The following ARID5B variants were observed in gnomAD, a reference collection of about 807,000 sequenced individuals.
The protein encoded by ARID5B is AT-rich interaction domain 5B, also known as AT-rich interactive domain-containing protein 5B.
In ARID5B, 13 loss-of-function variants were observed where a neutral mutation model predicts 97.2. That is an observed-to-expected ratio of 0.13 (90% confidence interval 0.09 to 0.21). ARID5B has a LOEUF of 0.21. ARID5B is among the 10% of genes least tolerant of loss of function. The probability of loss-of-function intolerance (pLI) is 1.00; values close to 1 mark genes in which losing one functional copy is unlikely to be tolerated. For missense variants in ARID5B, 1,210 were observed against 1,465.3 expected (o/e 0.83, Z 2.84); for synonymous variants, 556 against 570.3 (o/e 0.97, Z 0.36).
In ARID5B at chr10:62,093,037, C is replaced by A; in HGVS notation, c.*7C>A. ...CCCCAGTACAAAACTGTAGGCTCAGCTCTGCCCAGCAGTCCAAAGCGGCAT... is the reference window on the plus strand; with the variant it reads ...CCCCAGTACAAAACTGTAGGCTCAGATCTGCCCAGCAGTCCAAAGCGGCAT... On this transcript the variant is annotated 3_prime_UTR_variant, in exon 10 of 10. Transcript: ENST00000279873. 6.3e-7 allele frequency: 1 copy of A among 1,597,340 alleles called. No individual in the cohort carries two copies. Among genetic ancestry groups the A allele is most frequent in the South Asian group, 1.1e-5 (1 of 89,046 alleles).
In ARID5B at chr10:62,093,046, G is replaced by C; in HGVS notation, c.*16G>C. 6.3e-7 allele frequency: 1 copy of C among 1,584,530 alleles called. No individual in the cohort carries two copies. The highest frequency in any genetic ancestry group is 2.2e-5 in the East Asian group (1 of 44,770). On this transcript the variant is annotated 3_prime_UTR_variant, in exon 10 of 10. Transcript: ENST00000279873. The stretch of plus-strand genomic sequence containing the variant: ...AAAACTGTAGGCTCAGCTCTGCCCA[G>C]CAGTCCAAAGCGGCATGGCCAACAG...
At chr10:61,932,176 C>A (rs551888629) in intron 2 of ARID5B, among the ~76,000 whole-genome samples, 8 of 152,150 alleles carry the variant, frequency 5.3e-5, no homozygotes, top group Non-Finnish European at 1.2e-4. Context: ...TTACACCATA[C>A]TGTAGTCTGC....
chr10:61,951,101 T>C (rs1403036032), intron 3 of ARID5B, among the ~76,000 whole-genome samples: 2 of 152,258 alleles, frequency 1.3e-5, no homozygotes, highest in Non-Finnish European at 2.9e-5. Flanking sequence ...ACTCCTCTCC[T>C]GTAACATTAT....
chr10:62,092,695 T>G lies in ARID5B; in HGVS notation c.3232T>G (p.Phe1078Val), dbSNP rs1215947530. Residue 1078 changes from phenylalanine to valine, a missense_variant, in exon 10 of 10, where the codon TTC (phenylalanine) becomes GTC (valine). Physicochemically the swap from Phe to Val is conservative, Grantham distance 50. Coordinates refer to ENST00000279873, the MANE Select transcript of ARID5B (RefSeq NM_032199.3). The part of the protein sequence containing the change: ...GHKLPLSSPI[F>V]PGLYSGSLCN... ...CAAGCTTCCCCTCTCCTCCCCTATC[T>G]TCCCAGGTCTGTATTCCGGGAGCCT... The G allele has an allele frequency of 2.5e-6, 4 of 1,613,912 alleles. No individual in the cohort carries two copies. In the African/African-American group the frequency reaches 5.3e-5, roughly 22 times the overall value.
chr10:61,908,195 G>C (rs1843736616), intron 2 of ARID5B, among the ~76,000 whole-genome samples: 1 of 152,096 alleles, frequency 6.6e-6, no homozygotes, highest in Non-Finnish European at 1.5e-5. Context: ...TGTCTATTTT[G>C]AGTTAATAAA....
intron 2 of ARID5B, among the ~76,000 whole-genome samples, chr10:61,937,546 C>G (rs1318743751): frequency 6.6e-6 from 1 of 152,138 alleles, no homozygotes; most frequent in Admixed American, 6.5e-5. Context: ...TGATTAAGAG[C>G]TGGGTTAATT....
rs1564595459 is a variant in ARID5B, at chr10:61,901,703, C to G, written c.-7C>G. ...AATGTTGAGTTCAATCAATTCAGAA[C>G]GTCGAGATGGAGCCCAACTCACTCC... On this transcript the variant is annotated 5_prime_UTR_variant, in exon 1 of 10. Coordinates refer to ENST00000279873, the MANE Select transcript of ARID5B (RefSeq NM_032199.3). The G allele has an allele frequency of 1.2e-6, 2 of 1,613,868 alleles. No homozygotes were observed. Among genetic ancestry groups the G allele is most frequent in the Admixed American group, 1.7e-5 (1 of 59,990 alleles).
intron 7 of ARID5B, among the ~76,000 whole-genome samples, chr10:62,068,975 T>G (rs1840028134): frequency 6.6e-6 from 1 of 152,248 alleles, no homozygotes; most frequent in African/African-American, 2.4e-5. Context: ...GCATTTTAAC[T>G]GTGGAATATG....
chr10:62,072,709 G>T (rs374496186), intron 8 of ARID5B, among the ~76,000 whole-genome samples: 2 of 152,160 alleles, frequency 1.3e-5, no homozygotes, highest in African/African-American at 4.8e-5. Flanking sequence ...AGATGCAACC[G>T]CTAACTACCA....
intron 3 of ARID5B, among the ~76,000 whole-genome samples, chr10:61,950,614 G>A (rs1838310432): frequency 6.6e-6 from 1 of 152,144 alleles, no homozygotes; most frequent in Admixed American, 6.6e-5. Flanking sequence ...AGGTTGCAGT[G>A]AGCTAAGATG....
intron 2 of ARID5B, among the ~76,000 whole-genome samples, chr10:61,937,785 G>T (rs534921046): frequency 1.3e-5 from 2 of 152,196 alleles, no homozygotes; most frequent in Non-Finnish European, 2.9e-5. Flanking sequence ...TAGTAAATGC[G>T]AACATGTGAT....
intron 4 of ARID5B, among the ~76,000 whole-genome samples, chr10:62,036,181 G>T (rs558670456): frequency 5.5e-4 from 83 of 152,264 alleles, no homozygotes; most frequent in South Asian, 1.5e-3. Flanking sequence ...AAAAAGAAAA[G>T]GTATCGATGT....
chr10:61,901,833 T>C (rs1843620179), intron 1 of ARID5B, 103 bp downstream of exon 1: 1 of 892,306 alleles, frequency 1.1e-6, no homozygotes, highest in Admixed American at 2.0e-5. Flanking sequence ...CCCACAAACT[T>C]TTCACCAAAC....
chr10:61,942,885 G>A (rs1018276163), intron 3 of ARID5B, among the ~76,000 whole-genome samples: 2 of 152,214 alleles, frequency 1.3e-5, no homozygotes, highest in African/African-American at 4.8e-5. Flanking sequence ...ACAGCTTTAT[G>A]ATTAGTGCTG....
At chr10:62,027,257 T>C (rs1238366790) in intron 4 of ARID5B, among the ~76,000 whole-genome samples, 4 of 145,124 alleles carry the variant, frequency 2.8e-5, no homozygotes, top group African/African-American at 1.0e-4. Context: ...GTCTTCACTG[T>C]AGTGATGCAT....
intron 2 of ARID5B, 112 bp from the exon 3 acceptor site, chr10:61,940,071 G>A (rs1158513145): frequency 1.2e-6 from 1 of 856,690 alleles, no homozygotes; most frequent in Admixed American, 2.1e-5. Flanking sequence ...CAGTCTCCTT[G>A]CATTAGGTTA....
intron 3 of ARID5B, among the ~76,000 whole-genome samples, chr10:61,960,255 C>T (rs992561328): frequency 6.6e-6 from 1 of 152,148 alleles, no homozygotes; most frequent in Non-Finnish European, 1.5e-5. Flanking sequence ...ATACTACGTA[C>T]AGTAATGTCT....
chr10:62,051,127 C>A (rs1440547829), intron 5 of ARID5B, 127 bp downstream of exon 5: 1 of 817,880 alleles, frequency 1.2e-6, no homozygotes, highest in South Asian at 1.4e-5. Context: ...GTATTCAGAG[C>A]TTTTGAAGCT....
intron 4 of ARID5B, among the ~76,000 whole-genome samples, chr10:62,006,078 C>T (rs141621490): frequency 9.1e-4 from 138 of 152,290 alleles, no homozygotes; most frequent in African/African-American, 3.2e-3. Context: ...AGACCTTAAC[C>T]TTCAGAGATC....
Sources: allele counts gnomAD v4.1 joint callset (sites outside exome capture counted in the v4.1 genomes callset), GRCh38; gene constraint gnomAD v4.1.1; transcripts MANE v1.5; gene names NCBI Gene and HGNC (gene_info 2026-07-23, HGNC 2026-07-21).